The following ZDHHC15 variants were observed in gnomAD, a reference collection of about 807,000 sequenced individuals.
The protein encoded by ZDHHC15 is zDHHC palmitoyltransferase 15.
In ZDHHC15, 19 loss-of-function variants were observed where a neutral mutation model predicts 31.7. The ratio of observed to expected loss-of-function variants is 0.60; its 90% CI spans 0.42 to 0.88. ZDHHC15 has a LOEUF of 0.88. ZDHHC15 is among the 40% of genes least tolerant of loss of function. The probability of loss-of-function intolerance (pLI) is 0.00; values close to 1 mark genes in which losing one functional copy is unlikely to be tolerated. For missense variants in ZDHHC15, 209 were observed against 251.2 expected (o/e 0.83, Z 1.14); for synonymous variants, 103 against 90.0 (o/e 1.14, Z -0.82).
chrX:75,431,385 C>A, intron 5 of ZDHHC15, 66 bp downstream of exon 5: 1 of 1,047,114 alleles, frequency 9.6e-7, no homozygotes, highest in Non-Finnish European at 1.3e-6. Context: ...TAGGATCAGT[C>A]ATTTTGTTGT....
At chrX:75,414,023 A>C (rs1016541753) in intron 10 of ZDHHC15, among the ~76,000 whole-genome samples, 1 of 111,961 alleles carries the variant, frequency 8.9e-6, no homozygotes, top group Non-Finnish European at 1.9e-5. Flanking sequence ...ATTATACTGT[A>C]ATCTTTAATT....
At chrX:75,373,926 G>GTTTTTTTTCTTTTTTT (rs2083028047) in intron 11 of ZDHHC15, among the ~76,000 whole-genome samples, 1 of 50,456 alleles carries the variant, frequency 2.0e-5, no homozygotes, top group Non-Finnish European at 3.4e-5. Context: ...CATTCTTTCT[G>GTTTTTTTTCTTTTTTT]TTTTTTTTTT....
chrX:75,495,285 G>T (rs1460224154), intron 2 of ZDHHC15, among the ~76,000 whole-genome samples: 3 of 111,538 alleles, frequency 2.7e-5, no homozygotes, highest in African/African-American at 9.8e-5. Context: ...GAAACAACAG[G>T]TGCTGGAGAG....
At chrX:75,516,224 G>A (rs1161146575) in intron 1 of ZDHHC15, among the ~76,000 whole-genome samples, 2 of 111,744 alleles carry the variant, frequency 1.8e-5, no homozygotes, top group Non-Finnish European at 3.8e-5. Flanking sequence ...CACAGAATTG[G>A]AAAAGGCTAC....
At chrX:75,468,906 GTTGT>G (rs757414578) in intron 3 of ZDHHC15, among the ~76,000 whole-genome samples, 3 of 111,546 alleles carry the variant, frequency 2.7e-5, no homozygotes, top group South Asian at 3.7e-4. Flanking sequence ...TTTAAATTTG[GTTGT>G]TTGTTTTCTT....
At chrX:75,487,505 C>A (rs913446401) in intron 2 of ZDHHC15, among the ~76,000 whole-genome samples, 1 of 111,905 alleles carries the variant, frequency 8.9e-6, no homozygotes, top group Non-Finnish European at 1.9e-5. Flanking sequence ...AAGGGATCAC[C>A]CCATGGGACC....
intron 10 of ZDHHC15, among the ~76,000 whole-genome samples, chrX:75,414,773 G>T (rs1330257339): frequency 9.6e-5 from 9 of 93,653 alleles, no homozygotes; most frequent in Admixed American, 2.4e-4. Context: ...GTACAAGTAC[G>T]TTTTTTTTTT....
intron 4 of ZDHHC15, among the ~76,000 whole-genome samples, chrX:75,448,937 C>G (rs1266956095): frequency 9.0e-6 from 1 of 110,610 alleles, no homozygotes; most frequent in Non-Finnish European, 1.9e-5. Context: ...GGGCCTCATC[C>G]AATCCTTTGA....
rs748050313 is a variant in ZDHHC15 at position 75,370,984 on chromosome X, T to A, written c.*1994A>T. The stretch of plus-strand genomic sequence containing the variant: ...GACTTCTGTGGGAGCTGAGTGCTGA[T>A]ACACCCTATGCATCAAAGAAGTTCT... On this transcript the variant is annotated 3_prime_UTR_variant, in exon 12 of 12. Coordinates refer to ENST00000373367, the MANE Select transcript of ZDHHC15 (RefSeq NM_144969.3). 4.5e-5 allele frequency: 5 copies of A among 111,873 alleles called. No homozygotes were observed. Among genetic ancestry groups the A allele is most frequent in the Non-Finnish European group, 9.4e-5 (5 of 53,227 alleles). 9.2% of individuals were successfully genotyped at this position (111,873 alleles called of 1,213,427 possible).
Position 75,383,739 on chromosome X carries a change from T to TC in ZDHHC15, c.968-4542_968-4541insG, listed in dbSNP as rs1457452620. Among the ~76,000 whole-genome samples, 14 of 85,871 alleles carry TC rather than the reference T, an allele frequency of 1.6e-4. No homozygotes were observed. The East Asian group carries it at 5.1e-3, about 31-fold the overall frequency. The allele number at this position is 85,871 out of a possible 115,157, so 74.6% of individuals were successfully genotyped here. ...CCCAAATTTAAGAAATGTTAGGTTT[T>TC]TTTTTTTTTTTTTTTTTGAGATGGA... On this transcript the variant is annotated intron_variant, in intron 10 of 11. Transcript: ENST00000373367.
rs201758247 is a variant in ZDHHC15 at position 75,370,523 on chromosome X, C to CTTT, written c.*2452_*2454dup. On this transcript the variant is annotated 3_prime_UTR_variant, in exon 12 of 12. Transcript: ENST00000373367. The stretch of plus-strand genomic sequence containing the variant: ...CCTGGTAAAACCCTGATTTATTTGG[C>CTTT]TTTTTTTTTTTTTTTTTTTTTTTTT... 136 of 81,217 alleles carry CTTT rather than the reference C, an allele frequency of 1.7e-3. 1 individual carries two copies. The highest frequency in any genetic ancestry group is 6.6e-3 in the African/African-American group (126 of 19,091). 6.7% of individuals were successfully genotyped at this position (81,217 alleles called of 1,213,427 possible).
chrX:75,474,860 A>C (rs930233890), intron 3 of ZDHHC15, among the ~76,000 whole-genome samples: 3 of 110,005 alleles, frequency 2.7e-5, no homozygotes, highest in Non-Finnish European at 5.7e-5. Flanking sequence ...GATCGAGACC[A>C]TCCTGGCTAA....
At chrX:75,402,101 C>T (rs976577531) in intron 10 of ZDHHC15, among the ~76,000 whole-genome samples, 1 of 112,170 alleles carries the variant, frequency 8.9e-6, no homozygotes, top group Non-Finnish European at 1.9e-5. Flanking sequence ...CAAAACTATA[C>T]AATTACATAG....
intron 11 of ZDHHC15, among the ~76,000 whole-genome samples, chrX:75,375,233 T>C (rs1170830575): frequency 8.9e-6 from 1 of 111,874 alleles, no homozygotes; most frequent in African/African-American, 3.2e-5. Flanking sequence ...TTGCCTACAA[T>C]AGGTACTGTA....
At chrX:75,448,154 T>C (rs1228248846) in intron 4 of ZDHHC15, among the ~76,000 whole-genome samples, 1 of 112,276 alleles carries the variant, frequency 8.9e-6, no homozygotes, top group African/African-American at 3.2e-5. Context: ...GGAGGTGCCT[T>C]AGGGCATCTC....
intron 4 of ZDHHC15, among the ~76,000 whole-genome samples, chrX:75,436,288 C>T (rs59789884): frequency 0.18 from 20,168 of 111,008 alleles, 1,968 homozygotes; most frequent in East Asian, 0.85. Context: ...ACAAGCTTTT[C>T]GTTTCATTTA....
intron 1 of ZDHHC15, among the ~76,000 whole-genome samples, chrX:75,514,105 T>G (rs889717372): frequency 8.9e-6 from 1 of 112,957 alleles, no homozygotes; most frequent in Non-Finnish European, 1.9e-5. Flanking sequence ...GAATTGCCCT[T>G]CAAGAAATGC....
intron 2 of ZDHHC15, among the ~76,000 whole-genome samples, chrX:75,491,501 G>T (rs1460766259): frequency 2.9e-5 from 3 of 103,176 alleles, no homozygotes; most frequent in African/African-American, 1.1e-4. Context: ...GGGAGGGATA[G>T]CTTTAGGAGA....
chrX:75,453,575 A>C (rs1436159506), intron 3 of ZDHHC15, among the ~76,000 whole-genome samples: 2 of 111,333 alleles, frequency 1.8e-5, no homozygotes, highest in Non-Finnish European at 3.8e-5. Context: ...GCTGGCAGTG[A>C]CACAACAAAA....
Sources: gnomAD v4.1 joint callset for allele counts (sites outside exome capture counted in the v4.1 genomes callset) on GRCh38, gnomAD v4.1.1 for gene constraint, MANE v1.5 for transcripts, NCBI Gene and HGNC (gene_info 2026-07-23, HGNC 2026-07-21) for gene names.